ZHX3: variants seen among roughly 807,000 people sequenced by gnomAD.
ZHX3 encodes zinc fingers and homeoboxes protein 3.
ZHX3 carries 20 observed loss-of-function variants against 64.5 expected under a neutral mutation model. The observed-to-expected ratio is 0.31, with a 90% CI of 0.22 to 0.45. ZHX3 has a LOEUF of 0.45. ZHX3 is among the 20% of genes least tolerant of loss of function. The pLI, the probability that ZHX3 is intolerant of heterozygous loss-of-function variation, is 1.00. For synonymous variants in ZHX3, 423 were observed against 461.6 expected (o/e 0.92, Z 1.07); for missense variants, 1,041 against 1,195.8 (o/e 0.87, Z 1.91).
At chr20:41,245,671 A>C (rs2041647567) in intron 2 of ZHX3, among the ~76,000 whole-genome samples, 1 of 152,234 alleles carries the variant, frequency 6.6e-6, no homozygotes, top group African/African-American at 2.4e-5. Context: ...CCTGTGCTAT[A>C]TATAATTCCA....
At chr20:41,263,829 CAATGA>C (rs1326329501) in intron 2 of ZHX3, among the ~76,000 whole-genome samples, 1 of 152,082 alleles carries the variant, frequency 6.6e-6, no homozygotes, top group Non-Finnish European at 1.5e-5. Context: ...CAAGGAATAA[CAATGA>C]ATGGGAAACT....
chr20:41,206,647 T>C (rs2038737457), intron 2 of ZHX3, among the ~76,000 whole-genome samples: 1 of 152,120 alleles, frequency 6.6e-6, no homozygotes, highest in African/African-American at 2.4e-5. Context: ...TATGGGACTA[T>C]GTGAAAAGAA....
chr20:41,232,772 A>G lies in ZHX3; in HGVS notation c.-150-27706T>C, dbSNP rs1429307035. Among the ~76,000 whole-genome samples the G allele has an allele frequency of 6.6e-6, 1 of 152,056 alleles. No individual in the cohort carries two copies. Among genetic ancestry groups the G allele is most frequent in the Non-Finnish European group, 1.5e-5 (1 of 68,008 alleles). On this transcript the variant is annotated intron_variant, in intron 2 of 3. Transcript: ENST00000683867. The surrounding 1 kb of genome is among the most constrained non-coding windows in gnomAD (Gnocchi z 5.0). ...GGCTAATTTTTTGTATTTTTAGTAG[A>G]GACGGGGTTTCACCGTGTTAGCCAG...
chr20:41,283,530 G>T (rs931729992), intron 1 of ZHX3, among the ~76,000 whole-genome samples: 11 of 152,100 alleles, frequency 7.2e-5, no homozygotes, highest in African/African-American at 2.4e-4. Flanking sequence ...AGGCTGAGGC[G>T]GGCAGATCAC....
At chr20:41,221,572 G>A (rs2039948316) in intron 2 of ZHX3, among the ~76,000 whole-genome samples, 1 of 152,180 alleles carries the variant, frequency 6.6e-6, no homozygotes, top group Admixed American at 6.5e-5. Context: ...TTGGGGGAGA[G>A]AGATAATAAA....
chr20:41,199,392 T>C (rs1324550715), intron 3 of ZHX3, among the ~76,000 whole-genome samples: 3 of 152,210 alleles, frequency 2.0e-5, no homozygotes, highest in African/African-American at 4.8e-5. Context: ...AGATTGCTGA[T>C]TTTTGCTTAT....
At chr20:41,236,644 G>C (rs2041012968) in intron 2 of ZHX3, among the ~76,000 whole-genome samples, 1 of 152,312 alleles carries the variant, frequency 6.6e-6, no homozygotes, top group Middle Eastern at 3.4e-3. Context: ...AGACTTAAAT[G>C]TTAGACGTAA....
At chr20:41,189,679 C>G (rs1400647384) in intron 3 of ZHX3, among the ~76,000 whole-genome samples, 1 of 152,114 alleles carries the variant, frequency 6.6e-6, no homozygotes, top group African/African-American at 2.4e-5. Context: ...TGTACGTTAA[C>G]TTTATATCCT....
At chr20:41,284,444 T>A (rs935873109) in intron 1 of ZHX3, among the ~76,000 whole-genome samples, 5 of 152,070 alleles carry the variant, frequency 3.3e-5, no homozygotes, top group African/African-American at 9.7e-5. Flanking sequence ...AGAATCATCA[T>A]CTCCCTTAGG....
At chr20:41,207,274 A>C (rs1046742108) in intron 2 of ZHX3, among the ~76,000 whole-genome samples, 8 of 152,184 alleles carry the variant, frequency 5.3e-5, no homozygotes, top group African/African-American at 1.9e-4. Flanking sequence ...TAACATCATA[A>C]TGACAGGATC....
At chr20:41,286,989 C>T (rs1490943532) in intron 1 of ZHX3, among the ~76,000 whole-genome samples, 1 of 152,190 alleles carries the variant, frequency 6.6e-6, no homozygotes, top group Non-Finnish European at 1.5e-5. Flanking sequence ...GAGGCCTCAT[C>T]AGTCATGTGG....
At position 41,181,519 on chromosome 20, in the gene ZHX3, T is replaced by C. The variant is rs766185555; in HGVS notation, c.*3672A>G. The C allele has an allele frequency of 6.6e-6, 1 of 152,076 alleles. No homozygotes were observed. Among genetic ancestry groups the C allele is most frequent in the Non-Finnish European group, 1.5e-5 (1 of 68,024 alleles). The allele number at this position is 152,076 out of a possible 1,614,324, so 9.4% of individuals were successfully genotyped here. On this transcript the variant is annotated 3_prime_UTR_variant, in exon 4 of 4. Transcript: ENST00000683867. ...ATCTGAACTGAAAAAGCTGCACCAA[T>C]CTGAGGATATTGGTCCAAAAAGAGA...
At chr20:41,229,038 G>A (rs1404319037) in intron 2 of ZHX3, among the ~76,000 whole-genome samples, 1 of 152,056 alleles carries the variant, frequency 6.6e-6, no homozygotes, top group East Asian at 1.9e-4. Context: ...TTATAAAACT[G>A]AAACCTTACA....
At chr20:41,238,183 C>G (rs1600463570) in intron 2 of ZHX3, among the ~76,000 whole-genome samples, 1 of 152,320 alleles carries the variant, frequency 6.6e-6, no homozygotes, top group South Asian at 2.1e-4. Flanking sequence ...GTTTGGGTCC[C>G]TTGCTATTAA....
chr20:41,275,695 A>C (rs1045344406), intron 1 of ZHX3, among the ~76,000 whole-genome samples: 1 of 152,244 alleles, frequency 6.6e-6, no homozygotes, highest in Non-Finnish European at 1.5e-5. Flanking sequence ...AAGCCCTTCT[A>C]ACATGGCAGA....
intron 2 of ZHX3, among the ~76,000 whole-genome samples, chr20:41,208,641 G>A (rs1358419059): frequency 2.0e-5 from 3 of 151,980 alleles, no homozygotes; most frequent in Non-Finnish European, 2.9e-5. Flanking sequence ...AAATTCAACA[G>A]CCCTTCATGC....
chr20:41,221,030 A>G (rs1302568850), intron 2 of ZHX3, among the ~76,000 whole-genome samples: 1 of 152,112 alleles, frequency 6.6e-6, no homozygotes, highest in Non-Finnish European at 1.5e-5. Flanking sequence ...TTGGAAAAAA[A>G]GAATCATGTT....
intron 2 of ZHX3, among the ~76,000 whole-genome samples, chr20:41,206,937 T>C (rs188952115): frequency 4.6e-5 from 7 of 152,276 alleles, no homozygotes; most frequent in Admixed American, 4.6e-4. Flanking sequence ...CCCATCAGAA[T>C]AACAGCGGAT....
intron 1 of ZHX3, among the ~76,000 whole-genome samples, chr20:41,313,139 A>G (rs2045190413): frequency 6.6e-6 from 1 of 152,240 alleles, no homozygotes; most frequent in Non-Finnish European, 1.5e-5. Flanking sequence ...CAGCCTGAAC[A>G]ATGAATAGAC....
Sources: gnomAD v4.1 joint callset for allele counts (sites outside exome capture counted in the v4.1 genomes callset) on GRCh38, gnomAD v4.1.1 for gene constraint, Gnocchi (gnomAD v3.1) non-coding constraint, MANE v1.5 for transcripts, NCBI Gene and HGNC (gene_info 2026-07-23, HGNC 2026-07-21) for gene names.